Variants in RPN1 observed in about 807,000 individuals in gnomAD.
The protein encoded by RPN1 is dolichyl-diphosphooligosaccharide--protein glycosyltransferase subunit 1.
RPN1 carries 12 observed loss-of-function variants against 55.5 expected under a neutral mutation model. The observed-to-expected ratio is 0.22, with a 90% CI of 0.14 to 0.35. RPN1 has a LOEUF of 0.35. RPN1 is among the 10% of genes least tolerant of loss of function. The pLI is 1.00. For missense variants in RPN1, 679 were observed against 761.3 expected, an observed-to-expected ratio of 0.89 and a Z score of 1.27; for synonymous variants, 317 against 305.9, an observed-to-expected ratio of 1.04 and a Z score of -0.38.
At chr3:128,635,624 TATATATATATATATAG>T (rs1226673583) in intron 3 of RPN1, among the ~76,000 whole-genome samples, 1,073 of 29,782 alleles carry the variant, frequency 0.036, 20 homozygotes, top group African/African-American at 0.14. Flanking sequence ...TATATATATA[TATATATATATATATAG>T]ATATATATAT....
At chr3:128,630,631 TA>T (rs1009203503) in intron 4 of RPN1, among the ~76,000 whole-genome samples, 4 of 148,042 alleles carry the variant, frequency 2.7e-5, no homozygotes, top group South Asian at 2.1e-4. Flanking sequence ...CATACATAAG[TA>T]AAAAAAAAAG....
intron 3 of RPN1, among the ~76,000 whole-genome samples, chr3:128,635,924 TTA>T (rs1184982550): frequency 6.6e-6 from 1 of 151,824 alleles, no homozygotes; most frequent in Admixed American, 6.6e-5. Flanking sequence ...ATACAACTTG[TTA>T]TATATGATTT....
chr3:128,650,473 G>C (rs958171509), intron 1 of RPN1, 67 bp downstream of exon 1: 1 of 1,447,576 alleles, frequency 6.9e-7, no homozygotes, highest in East Asian at 2.5e-5. Context: ...GGGCGGAGTC[G>C]GGGGACCGCC....
rs2069545992 is a variant in RPN1 at position 128,619,983 on chromosome 3, C to T, written c.*428G>A. 1 of 212,854 alleles carries T rather than the reference C, an allele frequency of 4.7e-6. No individual in the cohort carries two copies. The highest frequency in any genetic ancestry group is 9.5e-6 in the Non-Finnish European group (1 of 105,726). The allele number at this position is 212,854 out of a possible 1,614,324, so 13.2% of individuals were successfully genotyped here. A position where few individuals can be genotyped will look rare whatever the true frequency, so the allele number is the denominator to read the frequency against. ...AGACCAAAAACAAATGTTCACAGTC[C>T]CTGCTTTATTTCCATTTGTTCACAC... On this transcript the variant is annotated 3_prime_UTR_variant, in exon 10 of 10. Transcript: ENST00000296255.
At chr3:128,626,555 T>C (rs1299472071) in intron 6 of RPN1, among the ~76,000 whole-genome samples, 178 bp downstream of exon 6, 1 of 152,186 alleles carries the variant, frequency 6.6e-6, no homozygotes, top group East Asian at 1.9e-4. Flanking sequence ...GGGTCTCTCA[T>C]TCTGGCAGTC....
At chr3:128,622,446 AG>A (rs773821161) in intron 8 of RPN1, 37 bp from the exon 9 acceptor site, 1 of 1,612,164 alleles carries the variant, frequency 6.2e-7, no homozygotes, top group African/African-American at 1.3e-5. Context: ...GACAACATCC[AG>A]GCTTGGGTCC....
intron 2 of RPN1, among the ~76,000 whole-genome samples, chr3:128,640,199 G>A (rs1288752747): frequency 6.6e-6 from 1 of 151,910 alleles, no homozygotes; most frequent in Non-Finnish European, 1.5e-5. Context: ...AAAAACAGAT[G>A]GCCTGGAAAC....
Position 128,650,545 on chromosome 3 carries a change from C to T in RPN1, c.256G>A (p.Val86Met). The change falls in exon 1 of 10, where the codon GTG (valine) becomes ATG (methionine). Residue 86 changes from valine (V) to methionine (M), a missense_variant. Val to Met is a conservative substitution (Grantham distance 21). This residue lies in a region of RPN1 where 352 missense variants were observed against 352.8 expected (regional missense o/e 1.00). Coordinates refer to ENST00000296255, the MANE Select transcript of RPN1 (RefSeq NM_002950.4). ...GAGGGGTCGCCCACACTCACCTGCA[C>T]GCCCAGGTGCGCCAGCCGGGCCTCG... The part of the protein sequence containing the change: ...ELEARLAHLG[V>M]QVKGEDEEEN... 1 of 1,540,392 alleles carries T rather than the reference C, an allele frequency of 6.5e-7. No individual in the cohort carries two copies. Among genetic ancestry groups the T allele is most frequent in the Non-Finnish European group, 8.7e-7 (1 of 1,144,628 alleles).
At chr3:128,636,582 T>C (rs1576796620) in intron 3 of RPN1, among the ~76,000 whole-genome samples, 1 of 152,182 alleles carries the variant, frequency 6.6e-6, no homozygotes, top group Non-Finnish European at 1.5e-5. Context: ...CACAGAGAGA[T>C]GCAAAGACAT....
intron 3 of RPN1, among the ~76,000 whole-genome samples, chr3:128,635,632 TATATATAG>T (rs1183345115): frequency 0.097 from 2,825 of 28,988 alleles, 45 homozygotes; most frequent in Non-Finnish European, 0.1. Context: ...TATATATATA[TATATATAG>T]ATATATATAT....
intron 2 of RPN1, among the ~76,000 whole-genome samples, chr3:128,638,357 G>A (rs1305582250): frequency 2.0e-5 from 3 of 152,118 alleles, no homozygotes; most frequent in African/African-American, 7.2e-5. Flanking sequence ...GAATAGCTGG[G>A]ATTACCTATT....
intron 9 of RPN1, 40 bp from the exon 10 acceptor site, chr3:128,620,633 C>T (rs1351092845): frequency 6.3e-7 from 1 of 1,590,528 alleles, no homozygotes; most frequent in Admixed American, 1.7e-5. Context: ...GTGAGCTGTC[C>T]TCCCACCCCA....
intron 9 of RPN1, 30 bp downstream of exon 9, chr3:128,622,134 C>T: frequency 6.2e-7 from 1 of 1,610,858 alleles, no homozygotes; most frequent in Non-Finnish European, 8.5e-7. Flanking sequence ...GGGCCCCAAG[C>T]CAAGCAACTC....
intron 5 of RPN1, among the ~76,000 whole-genome samples, chr3:128,629,419 G>A (rs2069625806): frequency 6.6e-6 from 1 of 152,122 alleles, no homozygotes; most frequent in South Asian, 2.1e-4. Flanking sequence ...AAAATTAGCT[G>A]AGCGTGGTGG....
At chr3:128,632,487 T>C (rs914632886) in intron 3 of RPN1, among the ~76,000 whole-genome samples, 2 of 152,196 alleles carry the variant, frequency 1.3e-5, no homozygotes, top group African/African-American at 4.8e-5. Flanking sequence ...TAAGAACTAC[T>C]TATCCCCATT....
At chr3:128,644,432 A>G in intron 2 of RPN1, 2 of 297,542 alleles carry the variant, frequency 6.7e-6, no homozygotes, top group Non-Finnish European at 1.3e-5. Flanking sequence ...CTGCTTGAGG[A>G]CAGGAGTTCA....
intron 5 of RPN1, among the ~76,000 whole-genome samples, chr3:128,628,373 T>G (rs1313662014): frequency 6.6e-6 from 1 of 151,174 alleles, no homozygotes; most frequent in Non-Finnish European, 1.5e-5. Flanking sequence ...TTTTAGGAAT[T>G]AAGGCTAATT....
chr3:128,633,732 A>G (rs1369196121), intron 3 of RPN1, among the ~76,000 whole-genome samples: 1 of 152,094 alleles, frequency 6.6e-6, no homozygotes, highest in Non-Finnish European at 1.5e-5. Flanking sequence ...GGCTGGGCAC[A>G]GTGAAACTTT....
intron 2 of RPN1, among the ~76,000 whole-genome samples, chr3:128,638,846 G>A (rs1393898997): frequency 6.6e-6 from 1 of 152,084 alleles, no homozygotes; most frequent in African/African-American, 2.4e-5. Flanking sequence ...CACACCTGTA[G>A]TCCCAGCTAC....
Sources: allele counts gnomAD v4.1 joint callset (sites outside exome capture counted in the v4.1 genomes callset), GRCh38; gene constraint gnomAD v4.1.1; regional missense constraint gnomAD v4.1.1; transcripts MANE v1.5; gene names NCBI Gene and HGNC (gene_info 2026-07-23, HGNC 2026-07-21).